The following MAP4K4 variants were observed in gnomAD, a reference collection of about 807,000 sequenced individuals.
MAP4K4 encodes the protein HPK/GCK-like kinase HGK.
MAP4K4 carries 38 observed loss-of-function variants against 189.6 expected under a neutral mutation model. The ratio of observed to expected loss-of-function variants is 0.20; its 90% CI spans 0.15 to 0.26. The LOEUF (loss-of-function observed/expected upper bound fraction) is 0.26, where lower values mean the gene tolerates loss of function less well. MAP4K4 is among the 10% of genes least tolerant of loss of function. The pLI, the probability that MAP4K4 is intolerant of heterozygous loss-of-function variation, is 1.00. For missense variants in MAP4K4, 1,054 were observed against 1,726.9 expected, an observed-to-expected ratio of 0.61 and a Z score of 6.91; for synonymous variants, 610 against 624.3, an observed-to-expected ratio of 0.98 and a Z score of 0.34.
rs149455138 is a variant in MAP4K4, at chr2:101,843,689, C to T, written c.1023-412C>T. Among the ~76,000 whole-genome samples the T allele has an allele frequency of 4.3e-3, 652 of 151,910 alleles. 6 individuals are homozygous for T. The highest frequency in any genetic ancestry group is 0.015 in the African/African-American group (608 of 41,420). ...AAAGTGGGAGGGAATTATGACAGGG[C>T]TTGGTGGTTGACCAGACAAAGACAA... On this transcript the variant is annotated intron_variant, in intron 11 of 32. Transcript: ENST00000324219.
At chr2:101,786,872 A>T (rs1015118520) in intron 2 of MAP4K4, among the ~76,000 whole-genome samples, 1 of 152,196 alleles carries the variant, frequency 6.6e-6, no homozygotes, top group Non-Finnish European at 1.5e-5. Flanking sequence ...TAAATCACTA[A>T]TTGTCTTATA....
rs151103466 is a variant in MAP4K4, at chr2:101,769,144, A to G, written c.124-21576A>G. Among the ~76,000 whole-genome samples the G allele has an allele frequency of 1.7e-3, 266 of 152,360 alleles. 1 individual carries two copies. Among genetic ancestry groups the G allele is most frequent in the African/African-American group, 5.8e-3 (242 of 41,580 alleles). On this transcript the variant is annotated intron_variant, in intron 2 of 32. Transcript: ENST00000324219. Reference sequence around the variant, plus strand: ...TTCCTGGAAATAACTGCAGTTCACTATTAAAGTTTCGTTAAGTGACTTGGC... The same window carrying G: ...TTCCTGGAAATAACTGCAGTTCACTGTTAAAGTTTCGTTAAGTGACTTGGC...
At chr2:101,740,375 C>A (rs1181684565) in intron 2 of MAP4K4, among the ~76,000 whole-genome samples, 1 of 103,348 alleles carries the variant, frequency 9.7e-6, no homozygotes, top group East Asian at 2.2e-4. Flanking sequence ...GGGATGGTCT[C>A]GATCTCCTGA....
chr2:101,812,082 A>C (rs2095464518), intron 3 of MAP4K4, among the ~76,000 whole-genome samples: 1 of 152,162 alleles, frequency 6.6e-6, no homozygotes, highest in Non-Finnish European at 1.5e-5. Flanking sequence ...CAATACGTTT[A>C]CTTTTTCTTT....
At chr2:101,765,320 T>C (rs915079030) in intron 2 of MAP4K4, among the ~76,000 whole-genome samples, 3 of 152,222 alleles carry the variant, frequency 2.0e-5, no homozygotes, top group African/African-American at 7.2e-5. Context: ...AATGGCAAGA[T>C]ACTCGTAACT....
exon 26 of MAP4K4, chr2:101,874,166 C>T (rs372225228): frequency 6.2e-7 from 1 of 1,613,724 alleles, no homozygotes; most frequent in African/African-American, 1.3e-5. Context: ...GTGAATCCTA[C>T]CAACACTAGG....
intron 3 of MAP4K4, among the ~76,000 whole-genome samples, chr2:101,796,652 G>A (rs1488817570): frequency 6.6e-6 from 1 of 152,106 alleles, no homozygotes; most frequent in African/African-American, 2.4e-5. Context: ...TTTAAAATTT[G>A]TTTTTAGCAG....
intron 2 of MAP4K4, among the ~76,000 whole-genome samples, chr2:101,727,674 A>G (rs894568686): frequency 2.6e-5 from 4 of 152,196 alleles, no homozygotes; most frequent in African/African-American, 9.6e-5. Flanking sequence ...TGAAACAGAA[A>G]GAAGGTGGTA....
Position 101,750,993 on chromosome 2 carries a change from T to G in MAP4K4, c.124-39727T>G, listed in dbSNP as rs1024572916. ...CTTCTGTTTTGAATTTGGGGACCAG[T>G]CCAGGCTCCACAGCCTGGGCACAAC... On this transcript the variant is annotated intron_variant, in intron 2 of 32. Transcript: ENST00000324219. Among the ~76,000 whole-genome samples, 6 of 152,312 alleles carry G rather than the reference T, an allele frequency of 3.9e-5. No homozygotes were observed. In the South Asian group the frequency reaches 1.2e-3, roughly 32 times the overall value.
chr2:101,885,354 A>G (rs2150276557), intron 29 of MAP4K4, 67 bp downstream of exon 29: 3 of 920,776 alleles, frequency 3.3e-6, no homozygotes, highest in East Asian at 5.3e-5. Flanking sequence ...GTCAGGGAAT[A>G]TGTTTAAAAA....
chr2:101,704,929 A>G (rs1186522769), intron 2 of MAP4K4, among the ~76,000 whole-genome samples: 1 of 152,166 alleles, frequency 6.6e-6, no homozygotes, highest in Non-Finnish European at 1.5e-5. Flanking sequence ...ACTGCTCACC[A>G]AACAGAATTT....
At chr2:101,780,831 G>A (rs73943770) in intron 2 of MAP4K4, among the ~76,000 whole-genome samples, 3,069 of 152,254 alleles carry the variant, frequency 0.02, 83 homozygotes, top group African/African-American at 0.057. Context: ...ATTGAATTTC[G>A]TGGTTTGTAT....
intron 2 of MAP4K4, among the ~76,000 whole-genome samples, chr2:101,773,890 TC>T (rs1165772161): frequency 1.3e-5 from 2 of 152,228 alleles, no homozygotes; most frequent in African/African-American, 4.8e-5. Flanking sequence ...TCCAGTTCCA[TC>T]CGTATTGTTG....
At chr2:101,731,645 A>G (rs1406999618) in intron 2 of MAP4K4, among the ~76,000 whole-genome samples, 1 of 151,410 alleles carries the variant, frequency 6.6e-6, no homozygotes, top group Non-Finnish European at 1.5e-5. Flanking sequence ...CAGCTACTGG[A>G]GGGACTGAGG....
chr2:101,878,192 T>C (rs2098271040), intron 27 of MAP4K4, among the ~76,000 whole-genome samples: 1 of 152,204 alleles, frequency 6.6e-6, no homozygotes, highest in Non-Finnish European at 1.5e-5. Flanking sequence ...TAAATTCCAG[T>C]TTTTTAAGCA....
chr2:101,744,385 A>G (rs1016603812), intron 2 of MAP4K4, among the ~76,000 whole-genome samples: 3 of 152,216 alleles, frequency 2.0e-5, no homozygotes, highest in Non-Finnish European at 4.4e-5. Flanking sequence ...GAGACCCATC[A>G]TTGTCCAAGT....
intron 27 of MAP4K4, among the ~76,000 whole-genome samples, chr2:101,881,647 G>A (rs190292248): frequency 4.4e-4 from 67 of 152,260 alleles, no homozygotes; most frequent in Admixed American, 3.2e-3. Context: ...TATGTATGAC[G>A]TTAGCTGTAA....
intron 27 of MAP4K4, among the ~76,000 whole-genome samples, chr2:101,881,337 C>T (rs747274510): frequency 2.0e-5 from 3 of 152,050 alleles, no homozygotes; most frequent in Non-Finnish European, 4.4e-5. Flanking sequence ...GGCTTGTATC[C>T]TGCAACCTTG....
At chr2:101,867,887 A>T in intron 20 of MAP4K4, 142 bp from the exon 21 acceptor site, 1 of 760,768 alleles carries the variant, frequency 1.3e-6, no homozygotes. Context: ...GTGGAATTTT[A>T]AGCCTGTCAG....
Sources: allele counts gnomAD v4.1 joint callset (sites outside exome capture counted in the v4.1 genomes callset), GRCh38; gene constraint gnomAD v4.1.1; transcripts MANE v1.5; gene names NCBI Gene and HGNC (gene_info 2026-07-23, HGNC 2026-07-21).